SKAP2: variants seen among roughly 807,000 people sequenced by gnomAD.
SKAP2 encodes the protein src kinase associated phosphoprotein 2, also known as src kinase-associated phosphoprotein 2.
A neutral mutation model predicts 54.9 loss-of-function variants in SKAP2; 28 were observed. That is an observed-to-expected ratio of 0.51 (90% confidence interval 0.38 to 0.70). The LOEUF is 0.70. SKAP2 is among the 30% of genes least tolerant of loss of function. The pLI is 0.00. For missense variants in SKAP2, 356 were observed against 424.1 expected, an observed-to-expected ratio of 0.84 and a Z score of 1.41; for synonymous variants, 137 against 134.3, an observed-to-expected ratio of 1.02 and a Z score of -0.14.
rs1786130204 is a variant in SKAP2, at chr7:26,667,648, C to G, written c.*2018G>C. The G allele has an allele frequency of 1.3e-5, 2 of 152,580 alleles. No homozygotes were observed. Among genetic ancestry groups the G allele is most frequent in the South Asian group, 4.1e-4 (2 of 4,830 alleles). 9.5% of individuals were successfully genotyped at this position (152,580 alleles called of 1,614,324 possible). A position where few individuals can be genotyped will look rare whatever the true frequency, so the allele number is the denominator to read the frequency against. On this transcript the variant is annotated 3_prime_UTR_variant, in exon 13 of 13. Coordinates refer to ENST00000345317, the MANE Select transcript of SKAP2 (RefSeq NM_003930.5). The stretch of plus-strand genomic sequence containing the variant: ...ATCAGTTGGCAAAGGACTCCCTCTC[C>G]TGGATTAACTGTAAAAGGAGGCAGA...
intron 9 of SKAP2, among the ~76,000 whole-genome samples, chr7:26,724,190 ACT>A (rs1206060999): frequency 1.3e-5 from 2 of 152,180 alleles, no homozygotes; most frequent in African/African-American, 4.8e-5. Flanking sequence ...TAAAATTATT[ACT>A]TTTTACTTGG....
intron 4 of SKAP2, among the ~76,000 whole-genome samples, chr7:26,827,373 C>T (rs907195909): frequency 3.9e-5 from 6 of 152,270 alleles, no homozygotes; most frequent in East Asian, 1.9e-4. Context: ...ACTTTCAGCA[C>T]GCTCCATTGC....
At chr7:26,828,631 T>G (rs1274057870) in intron 4 of SKAP2, among the ~76,000 whole-genome samples, 1 of 147,964 alleles carries the variant, frequency 6.8e-6, no homozygotes, top group Non-Finnish European at 1.5e-5. Context: ...GAGCCAAGAT[T>G]GAGCCACTGC....
At chr7:26,699,489 T>C (rs1009778959) in intron 9 of SKAP2, among the ~76,000 whole-genome samples, 2 of 152,168 alleles carry the variant, frequency 1.3e-5, no homozygotes, top group African/African-American at 2.4e-5. Context: ...ATCATGACTT[T>C]TAAATTCATT....
intron 4 of SKAP2, among the ~76,000 whole-genome samples, chr7:26,750,468 G>A (rs1042251274): frequency 1.3e-5 from 2 of 151,824 alleles, no homozygotes; most frequent in African/African-American, 4.8e-5. Context: ...GCGCTACCAT[G>A]CCCAACTAAT....
chr7:26,675,835 G>A (rs1179966565), intron 11 of SKAP2, among the ~76,000 whole-genome samples: 1 of 152,196 alleles, frequency 6.6e-6, no homozygotes, highest in Non-Finnish European at 1.5e-5. Context: ...GTTTTCAAAT[G>A]TACTACATGG....
Position 26,864,461 on chromosome 7 carries a change from C to T in SKAP2, c.-32G>A, listed in dbSNP as rs1785333680. On this transcript the variant is annotated 5_prime_UTR_variant, in exon 1 of 13. Coordinates refer to ENST00000345317, the MANE Select transcript of SKAP2 (RefSeq NM_003930.5). Reference sequence around the variant, plus strand: ...GAGCGCAGGGCGTGCGGGGAAAGGACCTGCGCTGAAAAGGTGACCGACGGG... The same window carrying T: ...GAGCGCAGGGCGTGCGGGGAAAGGATCTGCGCTGAAAAGGTGACCGACGGG... The T allele has an allele frequency of 4.4e-6, 7 of 1,578,956 alleles. No individual in the cohort carries two copies. In the South Asian group the frequency reaches 5.8e-5, roughly 13 times the overall value.
At chr7:26,765,582 G>A (rs982667895) in intron 4 of SKAP2, among the ~76,000 whole-genome samples, 5 of 152,080 alleles carry the variant, frequency 3.3e-5, no homozygotes, top group East Asian at 3.8e-4. Context: ...GGTTTTCTTC[G>A]AGGGTTTTTA....
intron 1 of SKAP2, among the ~76,000 whole-genome samples, chr7:26,864,055 T>TCACA (rs35995014): frequency 0.044 from 6,347 of 143,352 alleles, 325 homozygotes; most frequent in African/African-American, 0.12. Flanking sequence ...CGCCCTTCTG[T>TCACA]CACACACACA....
At chr7:26,752,281 G>T (rs1478438900) in intron 4 of SKAP2, among the ~76,000 whole-genome samples, 1 of 152,030 alleles carries the variant, frequency 6.6e-6, no homozygotes, top group Non-Finnish European at 1.5e-5. Flanking sequence ...TCTGGCTCCT[G>T]GTACTGAAAT....
At position 26,741,965 on chromosome 7, in the gene SKAP2, A is replaced by G. The variant is rs189171007; in HGVS notation, c.308-2001T>C. Among the ~76,000 whole-genome samples, 309 of 152,332 alleles carry G rather than the reference A, an allele frequency of 2.0e-3. 6 individuals carry two copies. The highest frequency in any genetic ancestry group is 2.8e-3 in the Non-Finnish European group (193 of 68,018). ...CCAGTAAACACCACACAGTATCATT[A>G]AAACATATTTAAAATAGAGCCCTGA... On this transcript the variant is annotated intron_variant, in intron 4 of 12. Transcript: ENST00000345317.
In SKAP2 at chr7:26,739,938, G is replaced by A. The variant is rs1171417915; in HGVS notation, c.334C>T (p.Gln112Ter). The A allele has an allele frequency of 6.2e-7, 1 of 1,611,286 alleles. No homozygotes were observed. The highest frequency in any genetic ancestry group is 2.2e-5 in the East Asian group (1 of 44,800). Residue 112 changes from glutamine (Q) to a stop codon, truncating the protein, a stop_gained, in exon 5 of 13, where the codon CAA becomes TAA. Transcript: ENST00000345317. LOFTEE classifies it high-confidence loss of function. ...GCCTTTAGAACAAAAGGAAGGTCTT[G>A]TGCTGCAATTGGAGGAAACTGGGCT... The part of the protein sequence containing the change: ...DGAQFPPIAA[Q>*]DLPFVLKAGY...
chr7:26,698,724 C>A (rs1274860835), intron 9 of SKAP2, among the ~76,000 whole-genome samples: 3 of 152,170 alleles, frequency 2.0e-5, no homozygotes, highest in African/African-American at 7.2e-5. Flanking sequence ...GAATGACTGA[C>A]AAACTGGTTA....
intron 4 of SKAP2, among the ~76,000 whole-genome samples, chr7:26,833,734 G>GACCC (rs1209259315): frequency 6.6e-6 from 1 of 152,064 alleles, no homozygotes; most frequent in Non-Finnish European, 1.5e-5. Context: ...GGTTCTCAGA[G>GACCC]ACCCACAAAG....
chr7:26,854,092 C>T, intron 3 of SKAP2, 45 bp downstream of exon 3: 1 of 1,416,050 alleles, frequency 7.1e-7, no homozygotes, highest in Non-Finnish European at 9.8e-7. Flanking sequence ...TGAAAATTTC[C>T]ACAGAGGAAA....
intron 4 of SKAP2, among the ~76,000 whole-genome samples, chr7:26,771,105 G>A (rs1282571649): frequency 3.3e-5 from 5 of 152,036 alleles, no homozygotes; most frequent in African/African-American, 1.2e-4. Context: ...TATATTAGAC[G>A]GTATGGTATA....
At chr7:26,828,755 G>A (rs1185958901) in intron 4 of SKAP2, among the ~76,000 whole-genome samples, 5 of 151,410 alleles carry the variant, frequency 3.3e-5, no homozygotes, top group South Asian at 2.1e-4. Flanking sequence ...GGCCGGGAGC[G>A]GTGGCTCACA....
intron 11 of SKAP2, among the ~76,000 whole-genome samples, chr7:26,676,458 C>T (rs977541829): frequency 7.9e-5 from 12 of 152,180 alleles, no homozygotes; most frequent in African/African-American, 2.9e-4. Context: ...TTGGAGGTCT[C>T]TGTAGGAGTG....
chr7:26,731,668 A>G (rs1433023024), intron 6 of SKAP2, among the ~76,000 whole-genome samples: 2 of 152,180 alleles, frequency 1.3e-5, no homozygotes, highest in African/African-American at 4.8e-5. Flanking sequence ...AATGGAGATC[A>G]TCTTATCCCC....
Sources: gnomAD v4.1 joint callset for allele counts (sites outside exome capture counted in the v4.1 genomes callset) on GRCh38, gnomAD v4.1.1 for gene constraint, MANE v1.5 for transcripts, NCBI Gene and HGNC (gene_info 2026-07-23, HGNC 2026-07-21) for gene names.